The following BOLL variants were observed in gnomAD, a reference collection of about 807,000 sequenced individuals.
BOLL encodes boule RNA binding protein.
A neutral mutation model predicts 44.4 loss-of-function variants in BOLL; 23 were observed. The ratio of observed to expected loss-of-function variants is 0.52; its 90% CI spans 0.37 to 0.73. The LOEUF (loss-of-function observed/expected upper bound fraction) is 0.73. Ranked by LOEUF, BOLL falls within the 30% of genes least tolerant of loss-of-function variation. The probability of loss-of-function intolerance (pLI) is 0.00; values close to 1 mark genes in which losing one functional copy is unlikely to be tolerated. For missense variants in BOLL, 287 were observed against 338.3 expected, an observed-to-expected ratio of 0.85 and a Z score of 1.19; for synonymous variants, 97 against 110.8, an observed-to-expected ratio of 0.88 and a Z score of 0.78.
intron 5 of BOLL, 142 bp from the exon 6 acceptor site, chr2:197,772,124 A>G (rs1034304279): frequency 1.5e-6 from 1 of 649,750 alleles, no homozygotes; most frequent in Non-Finnish European, 2.2e-6. Context: ...TATTTTTAAA[A>G]AATTCCTTAT....
intron 2 of BOLL, among the ~76,000 whole-genome samples, chr2:197,779,861 A>G (rs1387991737): frequency 1.3e-5 from 2 of 151,982 alleles, no homozygotes; most frequent in Non-Finnish European, 2.9e-5. Context: ...TGTCTACAAG[A>G]GTAACTTTTC....
intron 2 of BOLL, 99 bp downstream of exon 2, chr2:197,781,623 A>G (rs1689787267): frequency 1.7e-6 from 2 of 1,144,726 alleles, no homozygotes; most frequent in Non-Finnish European, 2.4e-6. Context: ...GTTAATCATT[A>G]TGCAAATATG....
At chr2:197,748,602 G>A (rs193298456) in intron 9 of BOLL, among the ~76,000 whole-genome samples, 34 of 152,346 alleles carry the variant, frequency 2.2e-4, no homozygotes, top group African/African-American at 7.9e-4. Flanking sequence ...CACTCACAGT[G>A]TAAATAAAGC....
intron 10 of BOLL, among the ~76,000 whole-genome samples, chr2:197,741,125 CT>C (rs1358242703): frequency 1.3e-5 from 2 of 152,068 alleles, no homozygotes; most frequent in African/African-American, 4.8e-5. Context: ...ATGGAATGTT[CT>C]TCCATTTGTT....
chr2:197,755,446 A>G (rs1688467259), intron 9 of BOLL, among the ~76,000 whole-genome samples: 1 of 152,260 alleles, frequency 6.6e-6, no homozygotes, highest in South Asian at 2.1e-4. Flanking sequence ...ATGCATGTGT[A>G]TGTTCATTGC....
At chr2:197,752,426 T>TA (rs1438958013) in intron 9 of BOLL, among the ~76,000 whole-genome samples, 5 of 152,188 alleles carry the variant, frequency 3.3e-5, no homozygotes, top group Non-Finnish European at 4.4e-5. Flanking sequence ...CAAAACTCCT[T>TA]AAACTGATAA....
intron 9 of BOLL, chr2:197,755,805 G>A (rs1688491006): frequency 6.6e-6 from 1 of 152,218 alleles, no homozygotes; most frequent in Admixed American, 6.5e-5. Context: ...ACACCTAGGT[G>A]ATGGGTTGAT....
chr2:197,771,546 A>G (rs960755131), intron 6 of BOLL, among the ~76,000 whole-genome samples: 22 of 152,112 alleles, frequency 1.4e-4, no homozygotes, highest in Non-Finnish European at 3.1e-4. Flanking sequence ...AAGCAGTACT[A>G]TATGTCATTT....
chr2:197,743,166 C>A lies in BOLL; in HGVS notation c.730-7G>T. 6.4e-7 allele frequency: 1 copy of A among 1,557,524 alleles called. No individual in the cohort carries two copies. ...CTCCATGATCAGAATAAGGCTATTA[C>A]AAAAAAAGAGAGAAAAAATGTCACC... On this transcript the variant is annotated splice_region_variant and splice_polypyrimidine_tract_variant and intron_variant, in intron 9 of 10. Transcript: ENST00000392296.
At chr2:197,734,546 C>T (rs1289541625) in intron 10 of BOLL, among the ~76,000 whole-genome samples, 1 of 152,156 alleles carries the variant, frequency 6.6e-6, no homozygotes, top group Non-Finnish European at 1.5e-5. Flanking sequence ...ATAGCAAAGA[C>T]TTGGAACCAA....
chr2:197,737,869 G>C (rs983279960), intron 10 of BOLL, among the ~76,000 whole-genome samples: 1 of 152,100 alleles, frequency 6.6e-6, no homozygotes. Flanking sequence ...AGTCCAATCA[G>C]TATTTTACTT....
chr2:197,746,437 T>A (rs1205902387), intron 9 of BOLL, among the ~76,000 whole-genome samples: 1 of 152,148 alleles, frequency 6.6e-6, no homozygotes, highest in Admixed American at 6.6e-5. Context: ...AAATGTAGTA[T>A]CCATATACAC....
At chr2:197,774,456 C>A in intron 5 of BOLL, 1 of 152,266 alleles carries the variant, frequency 6.6e-6, no homozygotes, top group East Asian at 1.9e-4. Flanking sequence ...ATAGAGATAA[C>A]AATACATCAT....
chr2:197,728,830 G>A (rs1686973601), intron 10 of BOLL, among the ~76,000 whole-genome samples: 1 of 152,118 alleles, frequency 6.6e-6, no homozygotes, highest in African/African-American at 2.4e-5. Flanking sequence ...TATAAATGTT[G>A]AGTAAATAAA....
rs75844508 is a variant in BOLL at position 197,768,464 on chromosome 2, T to C, written c.481-1861A>G. On this transcript the variant is annotated intron_variant, in intron 6 of 10. Transcript: ENST00000392296. The stretch of plus-strand genomic sequence containing the variant: ...ACAATGTACTTTAAGATTTCAAGAC[T>C]CGTTATAAAGTCAAAATAATTACAA... 6.1e-3 allele frequency among the ~76,000 whole-genome samples: 920 copies of C among 151,920 alleles called. 16 individuals are homozygous for C. Among genetic ancestry groups the C allele is most frequent in the African/African-American group, 0.021 (860 of 41,478 alleles).
chr2:197,757,446 A>G (rs1688568368), intron 7 of BOLL, 46 bp from the exon 8 acceptor site: 1 of 1,553,810 alleles, frequency 6.4e-7, no homozygotes, highest in Non-Finnish European at 8.8e-7. Context: ...GATTATAAAC[A>G]AGGGTTAAAA....
chr2:197,750,330 C>T (rs1197715085), intron 9 of BOLL, among the ~76,000 whole-genome samples: 6 of 152,124 alleles, frequency 3.9e-5, no homozygotes. Context: ...CTAAACGCCC[C>T]AATTAAAAGA....
At chr2:197,778,396 C>G (rs748740593) in intron 3 of BOLL, among the ~76,000 whole-genome samples, 1 of 151,828 alleles carries the variant, frequency 6.6e-6, no homozygotes, top group Non-Finnish European at 1.5e-5. Flanking sequence ...CTATCTTTTT[C>G]CTTTCTGAAA....
chr2:197,780,744 T>C (rs938184749), intron 2 of BOLL, among the ~76,000 whole-genome samples: 17 of 150,638 alleles, frequency 1.1e-4, no homozygotes, highest in Admixed American at 8.0e-4. Context: ...GAAATAGTTA[T>C]AAATGTCAAA....
Sources: gnomAD v4.1 joint callset for allele counts (sites outside exome capture counted in the v4.1 genomes callset) on GRCh38, gnomAD v4.1.1 for gene constraint, MANE v1.5 for transcripts, NCBI Gene and HGNC (gene_info 2026-07-23, HGNC 2026-07-21) for gene names.